Variants in ASXL2 observed in about 807,000 individuals in gnomAD.
The protein encoded by ASXL2 is putative Polycomb group protein ASXL2.
Under a neutral mutation model 122.0 loss-of-function variants are expected in ASXL2, and 23 were observed. That is an observed-to-expected ratio of 0.19 (90% CI 0.14 to 0.27). ASXL2 has a LOEUF of 0.27. Ranked by LOEUF, ASXL2 falls within the 10% of genes least tolerant of loss-of-function variation. The pLI is 1.00. For missense variants in ASXL2, 1,518 were observed against 1,713.8 expected, an observed-to-expected ratio of 0.89 and a Z score of 2.02; for synonymous variants, 650 against 637.0, an observed-to-expected ratio of 1.02 and a Z score of -0.31.
Position 25,742,690 on chromosome 2 carries a change from C to T in ASXL2, c.3647G>A (p.Ser1216Asn). 6.2e-7 allele frequency: 1 copy of T among 1,613,972 alleles called. No individual in the cohort carries two copies. The highest frequency in any genetic ancestry group is 8.5e-7 in the Non-Finnish European group (1 of 1,179,892). Reference protein sequence around the residue: ...GKGDTSSGPHSRETLSTSDCL... With the variant: ...GKGDTSSGPHNRETLSTSDCL... The stretch of plus-strand genomic sequence containing the variant: ...ATCACTGGTAGATAGAGTTTCCCTG[C>T]TGTGAGGTCCTGAACTTGTGTCACC... The change falls in exon 13 of 13, where the codon AGC becomes AAC. Residue 1216 changes from serine to asparagine, a missense_variant. Physicochemically the swap from Ser to Asn is conservative, Grantham distance 46. Transcript: ENST00000435504.
In ASXL2 at chr2:25,844,501, C is replaced by T. The variant is rs184605130; in HGVS notation, c.140+980G>A. Among the ~76,000 whole-genome samples, 19 of 151,414 alleles carry T rather than the reference C, an allele frequency of 1.3e-4. No individual in the cohort carries two copies. In the East Asian group the frequency reaches 2.7e-3, roughly 22 times the overall value. Reference sequence around the variant, plus strand: ...CTGAGGCAGGAGAAATGCTTGAACCCGGGAGGCAGAGTTGCAGTGAGCCAA... The same window carrying T: ...CTGAGGCAGGAGAAATGCTTGAACCTGGGAGGCAGAGTTGCAGTGAGCCAA... On this transcript the variant is annotated intron_variant, in intron 2 of 12. Coordinates refer to ENST00000435504, the MANE Select transcript of ASXL2 (RefSeq NM_018263.6).
At chr2:25,839,096 GT>G (rs1209587914) in intron 2 of ASXL2, among the ~76,000 whole-genome samples, 1 of 152,108 alleles carries the variant, frequency 6.6e-6, no homozygotes, top group African/African-American at 2.4e-5. Flanking sequence ...AAACAAATGA[GT>G]AAAAGCTTAC....
At chr2:25,834,525 T>C (rs914362495) in intron 3 of ASXL2, among the ~76,000 whole-genome samples, 2 of 152,186 alleles carry the variant, frequency 1.3e-5, no homozygotes, top group African/African-American at 4.8e-5. Context: ...TTCTTACAAA[T>C]GAACTTAATG....
chr2:25,802,823 G>C (rs1574424129), intron 4 of ASXL2, among the ~76,000 whole-genome samples: 1 of 152,138 alleles, frequency 6.6e-6, no homozygotes, highest in East Asian at 1.9e-4. Context: ...ATTGGGTTCT[G>C]AGAGCTTTGA....
At chr2:25,760,242 G>A (rs534292355) in intron 8 of ASXL2, among the ~76,000 whole-genome samples, 3 of 151,588 alleles carry the variant, frequency 2.0e-5, no homozygotes, top group South Asian at 2.1e-4. Context: ...TGGAAGCCAT[G>A]ACAAAAGGTT....
intron 3 of ASXL2, chr2:25,810,328 C>CT: frequency 1.5e-6 from 1 of 660,686 alleles, no homozygotes; most frequent in Non-Finnish European, 2.8e-6. Context: ...TGTTTAGCTT[C>CT]TTTGAGTTGG....
intron 10 of ASXL2, among the ~76,000 whole-genome samples, chr2:25,754,902 A>G (rs934891541): frequency 2.6e-5 from 4 of 152,160 alleles, no homozygotes; most frequent in African/African-American, 9.7e-5. Context: ...AGAGCAAGAG[A>G]TCCCTTCTAC....
At chr2:25,865,350 T>C (rs1264932669) in intron 1 of ASXL2, among the ~76,000 whole-genome samples, 1 of 151,836 alleles carries the variant, frequency 6.6e-6, no homozygotes, top group Non-Finnish European at 1.5e-5. Context: ...AAAAATTGCT[T>C]GAACCCAGGA....
intron 8 of ASXL2, among the ~76,000 whole-genome samples, chr2:25,766,601 A>G (rs2149151834): frequency 6.6e-6 from 1 of 152,336 alleles, no homozygotes; most frequent in South Asian, 2.1e-4. Context: ...TTTAGGTACC[A>G]ATCCACCAAT....
chr2:25,855,784 C>T (rs1477412275), intron 1 of ASXL2, among the ~76,000 whole-genome samples: 1 of 145,372 alleles, frequency 6.9e-6, no homozygotes, highest in East Asian at 2.1e-4. Flanking sequence ...TGCAGTGAGC[C>T]GAGATCGTGC....
At chr2:25,783,036 G>C (rs2088671670) in intron 5 of ASXL2, among the ~76,000 whole-genome samples, 2 of 152,240 alleles carry the variant, frequency 1.3e-5, no homozygotes, top group African/African-American at 4.8e-5. Flanking sequence ...GGCTGAGGCA[G>C]GAGAATCGCT....
At chr2:25,764,560 G>T (rs1376343315) in intron 8 of ASXL2, among the ~76,000 whole-genome samples, 1 of 152,180 alleles carries the variant, frequency 6.6e-6, no homozygotes, top group South Asian at 2.1e-4. Context: ...GGGCAAACTT[G>T]CTATATACCA....
intron 8 of ASXL2, 144 bp downstream of exon 8, chr2:25,767,439 A>G (rs1023380704): frequency 2.5e-6 from 2 of 791,092 alleles, no homozygotes; most frequent in Non-Finnish European, 3.9e-6. Flanking sequence ...TAATTATGTT[A>G]GCAACAAAAA....
At chr2:25,750,538 A>G (rs2088027538) in intron 11 of ASXL2, 125 bp from the exon 12 acceptor site, 1 of 830,204 alleles carries the variant, frequency 1.2e-6, no homozygotes, top group Non-Finnish European at 1.9e-6. Context: ...GTATTCATGT[A>G]TTATCTTCAC....
At chr2:25,806,858 T>C (rs1461813739) in intron 3 of ASXL2, among the ~76,000 whole-genome samples, 1 of 152,074 alleles carries the variant, frequency 6.6e-6, no homozygotes, top group South Asian at 2.1e-4. Flanking sequence ...CTTGGTTAAA[T>C]GTTTATTAAT....
chr2:25,848,939 C>T (rs944005487), intron 1 of ASXL2, among the ~76,000 whole-genome samples: 7 of 148,388 alleles, frequency 4.7e-5, no homozygotes, highest in East Asian at 4.1e-4. Context: ...CCGGCTACTA[C>T]GGAGGCTGAG....
rs1182925037 is a variant in ASXL2 at position 25,790,335 on chromosome 2, G to C, written c.403+9050C>G. Reference sequence around the variant, plus strand: ...CAGTTGCGGGGTGGGGGTGGGGGGGGTGTGAGAAGCGCATGAGCAAGGTTT... The same window carrying C: ...CAGTTGCGGGGTGGGGGTGGGGGGGCTGTGAGAAGCGCATGAGCAAGGTTT... On this transcript the variant is annotated intron_variant, in intron 5 of 12. Coordinates refer to ENST00000435504, the MANE Select transcript of ASXL2 (RefSeq NM_018263.6). Among the ~76,000 whole-genome samples the C allele has an allele frequency of 1.9e-4, 23 of 120,230 alleles. No homozygotes were observed. The Admixed American group carries it at 2.1e-3, about 11-fold the overall frequency. The allele number at this position is 120,230 out of a possible 152,430, so 78.9% of individuals were successfully genotyped here.
intron 9 of ASXL2, among the ~76,000 whole-genome samples, chr2:25,759,079 C>T (rs777923838): frequency 8.5e-5 from 13 of 152,086 alleles, no homozygotes; most frequent in Non-Finnish European, 1.5e-4. Context: ...CTCAGCCTCC[C>T]GAGTAGCTGG....
intron 1 of ASXL2, among the ~76,000 whole-genome samples, chr2:25,877,882 A>G (rs1157912841): frequency 6.6e-6 from 1 of 152,198 alleles, no homozygotes; most frequent in Non-Finnish European, 1.5e-5. Flanking sequence ...GAGGGCTACC[A>G]CAGAGCGGAG....
Sources: gnomAD v4.1 joint callset for allele counts (sites outside exome capture counted in the v4.1 genomes callset) on GRCh38, gnomAD v4.1.1 for gene constraint, MANE v1.5 for transcripts, NCBI Gene and HGNC (gene_info 2026-07-23, HGNC 2026-07-21) for gene names.